GRM7: variants seen among roughly 807,000 people sequenced by gnomAD.
The protein encoded by GRM7 is metabotropic glutamate receptor 7.
GRM7 carries 35 observed loss-of-function variants against 84.5 expected under a neutral mutation model. The ratio of observed to expected loss-of-function variants is 0.41; its 90% confidence interval spans 0.32 to 0.55. GRM7 has a LOEUF of 0.55. Among genes scored for constraint, GRM7 ranks in the 20% least tolerant of loss-of-function variants. GRM7 has a pLI of 0.19. For missense variants in GRM7, 1,003 were observed against 1,194.6 expected, an observed-to-expected ratio of 0.84 and a Z score of 2.36; for synonymous variants, 487 against 455.1, an observed-to-expected ratio of 1.07 and a Z score of -0.89.
At chr3:6,911,823 A>G (rs577335073) in intron 1 of GRM7, among the ~76,000 whole-genome samples, 10 of 152,342 alleles carry the variant, frequency 6.6e-5, no homozygotes, top group South Asian at 6.2e-4. Flanking sequence ...TATCATTCTT[A>G]AAAGAGAGAT....
intron 2 of GRM7, among the ~76,000 whole-genome samples, chr3:7,226,226 T>C (rs188740872): frequency 5.4e-4 from 82 of 152,302 alleles, no homozygotes; most frequent in African/African-American, 1.9e-3. Context: ...CTGACAGTTA[T>C]AGGTCAGAAT....
At chr3:7,374,191 G>C (rs1694250385) in intron 4 of GRM7, among the ~76,000 whole-genome samples, 1 of 151,890 alleles carries the variant, frequency 6.6e-6, no homozygotes, top group African/African-American at 2.4e-5. Context: ...CTTTCTCAAG[G>C]TCCAGCACTT....
intron 1 of GRM7, among the ~76,000 whole-genome samples, chr3:7,050,830 A>C: frequency 6.6e-6 from 1 of 151,864 alleles, no homozygotes; most frequent in Non-Finnish European, 1.5e-5. Flanking sequence ...GGTTCAACCT[A>C]TAAATTATTC....
intron 8 of GRM7, among the ~76,000 whole-genome samples, chr3:7,664,509 G>GTCT (rs780743802): frequency 6.0e-4 from 91 of 152,254 alleles, no homozygotes; most frequent in Non-Finnish European, 1.1e-3. Context: ...ATTGCCAAAT[G>GTCT]TCTTCTACTT....
At chr3:7,072,063 T>C (rs1036804588) in intron 1 of GRM7, among the ~76,000 whole-genome samples, 2 of 152,038 alleles carry the variant, frequency 1.3e-5, no homozygotes, top group Admixed American at 1.3e-4. Context: ...ATTCACATTA[T>C]CTCTTAGCAT....
At position 6,873,081 on chromosome 3, in the gene GRM7, A is replaced by AT. The variant is rs1246272166; in HGVS notation, c.519+11181dup. ...TGAACTAATTTTCACTCCCACCAAC[A>AT]TTTTTTTGGGATGACGGAGTCTTGC... On this transcript the variant is annotated intron_variant, in intron 1 of 9. Coordinates refer to ENST00000357716, the MANE Select transcript of GRM7 (RefSeq NM_000844.4). 2.0e-5 allele frequency among the ~76,000 whole-genome samples: 3 copies of AT among 152,078 alleles called. No homozygotes were observed. The East Asian group carries it at 5.8e-4, about 29-fold the overall frequency.
intron 1 of GRM7, among the ~76,000 whole-genome samples, chr3:7,105,087 A>G (rs1699247060): frequency 6.6e-6 from 1 of 151,806 alleles, no homozygotes; most frequent in Admixed American, 6.6e-5. Context: ...AAATATTTAC[A>G]TGTTTCATTT....
intron 1 of GRM7, among the ~76,000 whole-genome samples, chr3:6,959,808 C>T (rs184688668): frequency 4.6e-5 from 7 of 152,102 alleles, no homozygotes; most frequent in African/African-American, 1.2e-4. Context: ...GCTCATTGTC[C>T]GTATGGTGAT....
intron 7 of GRM7, among the ~76,000 whole-genome samples, chr3:7,530,863 T>C (rs773450107): frequency 7.9e-5 from 12 of 152,058 alleles, no homozygotes; most frequent in Non-Finnish European, 1.5e-4. Context: ...GTCAGATGGA[T>C]AGATTACAAA....
chr3:7,355,548 A>G (rs1693360511), intron 4 of GRM7, among the ~76,000 whole-genome samples: 2 of 152,088 alleles, frequency 1.3e-5, no homozygotes, highest in Non-Finnish European at 1.5e-5. Context: ...CGTCATTTGC[A>G]CATAACTACT....
intron 9 of GRM7, among the ~76,000 whole-genome samples, chr3:7,688,648 CTT>C (rs896320603): frequency 1.3e-5 from 2 of 152,096 alleles, no homozygotes; most frequent in African/African-American, 4.8e-5. Flanking sequence ...AAAGAAGTCT[CTT>C]AAGGTTATGC....
At chr3:7,415,314 C>T (rs540725554) in intron 5 of GRM7, 151 bp downstream of exon 5, 11 of 653,458 alleles carry the variant, frequency 1.7e-5, no homozygotes, top group Admixed American at 1.4e-4. Context: ...CAGGAGCATA[C>T]GTCTTGCAGG....
chr3:7,081,316 A>T (rs930444695), intron 1 of GRM7, among the ~76,000 whole-genome samples: 1 of 152,092 alleles, frequency 6.6e-6, no homozygotes, highest in African/African-American at 2.4e-5. Context: ...CACAATATTT[A>T]AAATTTTCTC....
At chr3:7,184,937 T>C (rs1297072108) in intron 2 of GRM7, among the ~76,000 whole-genome samples, 2 of 152,196 alleles carry the variant, frequency 1.3e-5, no homozygotes, top group Non-Finnish European at 2.9e-5. Context: ...ATATTATTAG[T>C]GGCAAATTTT....
chr3:7,071,491 T>G (rs1471579794), intron 1 of GRM7, among the ~76,000 whole-genome samples: 1 of 152,058 alleles, frequency 6.6e-6, no homozygotes, highest in African/African-American at 2.4e-5. Context: ...TCCTTCATGT[T>G]TTCTCCTCAC....
At chr3:7,013,988 C>A (rs1167489965) in intron 1 of GRM7, among the ~76,000 whole-genome samples, 2 of 152,012 alleles carry the variant, frequency 1.3e-5, no homozygotes, top group Non-Finnish European at 2.9e-5. Flanking sequence ...CCTTGATTTG[C>A]AGTATATAAA....
rs776679742 is a variant in GRM7, at chr3:7,188,179, GA to G, written c.736+41513del. Among the ~76,000 whole-genome samples, 55 of 152,138 alleles carry G rather than the reference GA, an allele frequency of 3.6e-4. 1 individual carries two copies. The highest frequency in any genetic ancestry group is 7.1e-4 in the Non-Finnish European group (48 of 68,036). ...AAGGGACCTGTCGGAAGTGAGGAAT[GA>G]AGAGATGCTTTTATTTCAGAGAATC... On this transcript the variant is annotated intron_variant, in intron 2 of 9. Transcript: ENST00000357716. This position sits in a 1 kb window ranked among gnomAD's most constrained non-coding sequence, Gnocchi z 4.2.
intron 7 of GRM7, among the ~76,000 whole-genome samples, chr3:7,509,602 A>G (rs2124975441): frequency 6.6e-6 from 1 of 152,348 alleles, no homozygotes. Flanking sequence ...TTTCACTATA[A>G]TTCCTCTAGG....
intron 2 of GRM7, among the ~76,000 whole-genome samples, chr3:7,235,989 C>G (rs1224668622): frequency 6.6e-6 from 1 of 152,108 alleles, no homozygotes; most frequent in Non-Finnish European, 1.5e-5. Context: ...GCTGGGAGGT[C>G]CAGGATCAAG....
Sources: gnomAD v4.1 joint callset for allele counts (sites outside exome capture counted in the v4.1 genomes callset) on GRCh38, gnomAD v4.1.1 for gene constraint, Gnocchi (gnomAD v3.1) non-coding constraint, MANE v1.5 for transcripts, NCBI Gene and HGNC (gene_info 2026-07-23, HGNC 2026-07-21) for gene names.